CDKAL1: variants seen among roughly 807,000 people sequenced by gnomAD.
The protein encoded by CDKAL1 is CDKAL1 threonylcarbamoyladenosine tRNA methylthiotransferase.
A neutral mutation model predicts 68.2 loss-of-function variants in CDKAL1; 32 were observed. The observed-to-expected ratio is 0.47, with a 90% CI of 0.35 to 0.63. The LOEUF is 0.63. CDKAL1 is among the 30% of genes least tolerant of loss of function. CDKAL1 has a pLI of 0.00. For missense variants in CDKAL1, 606 were observed against 696.7 expected (o/e 0.87, Z 1.47); for synonymous variants, 234 against 244.3 (o/e 0.96, Z 0.39).
chr6:20,554,698 T>G (rs1419628150), intron 4 of CDKAL1, among the ~76,000 whole-genome samples: 1 of 152,186 alleles, frequency 6.6e-6, no homozygotes, highest in African/African-American at 2.4e-5. Context: ...TCGTAACCAC[T>G]CCCTAGCCTG....
chr6:20,836,992 G>A (rs897221381), intron 8 of CDKAL1, among the ~76,000 whole-genome samples: 1 of 152,108 alleles, frequency 6.6e-6, no homozygotes, highest in Non-Finnish European at 1.5e-5. Context: ...TCCTGGCCCT[G>A]CGTTAGGTAG....
At chr6:20,851,659 C>A (rs1054656762) in intron 9 of CDKAL1, among the ~76,000 whole-genome samples, 1 of 151,710 alleles carries the variant, frequency 6.6e-6, no homozygotes, top group Non-Finnish European at 1.5e-5. Flanking sequence ...ATATTCAGAA[C>A]AGGGAGAAAA....
At chr6:20,769,879 C>T (rs971513242) in intron 7 of CDKAL1, among the ~76,000 whole-genome samples, 1 of 152,140 alleles carries the variant, frequency 6.6e-6, no homozygotes, top group Non-Finnish European at 1.5e-5. Context: ...GAAACCTAGT[C>T]CCCTTGTTCC....
At chr6:21,161,049 G>T (rs549598277) in intron 13 of CDKAL1, among the ~76,000 whole-genome samples, 1 of 152,164 alleles carries the variant, frequency 6.6e-6, no homozygotes, top group African/African-American at 2.4e-5. Flanking sequence ...TGGCTGGGGG[G>T]GTGCAGTGAA....
chr6:20,763,317 C>T (rs1218317817), intron 7 of CDKAL1, among the ~76,000 whole-genome samples: 1 of 152,172 alleles, frequency 6.6e-6, no homozygotes, highest in Non-Finnish European at 1.5e-5. Context: ...TGCAGCTCTT[C>T]TCTTCCTTGC....
intron 13 of CDKAL1, among the ~76,000 whole-genome samples, chr6:21,160,138 A>G (rs555306006): frequency 2.0e-5 from 3 of 152,312 alleles, no homozygotes; most frequent in African/African-American, 7.2e-5. Context: ...TTCGTGGTCC[A>G]CATTGCAGAC....
intron 8 of CDKAL1, among the ~76,000 whole-genome samples, chr6:20,818,996 A>T (rs1292940634): frequency 1.3e-5 from 2 of 152,116 alleles, no homozygotes; most frequent in Non-Finnish European, 2.9e-5. Flanking sequence ...TGGTTGATTT[A>T]CACTTTAAAA....
chr6:20,682,927 A>G (rs1371669438), intron 5 of CDKAL1, among the ~76,000 whole-genome samples: 1 of 150,948 alleles, frequency 6.6e-6, no homozygotes, highest in Non-Finnish European at 1.5e-5. Flanking sequence ...TCCACTTAAA[A>G]TAGTAGCTCT....
chr6:20,748,489 AGTT>A (rs1031612844), intron 6 of CDKAL1, among the ~76,000 whole-genome samples: 3 of 132,368 alleles, frequency 2.3e-5, no homozygotes, highest in Non-Finnish European at 4.7e-5. Flanking sequence ...GGCTGTGGCG[AGTT>A]GTTGTGATTG....
chr6:20,569,696 AC>A (rs1477707339), intron 4 of CDKAL1, among the ~76,000 whole-genome samples: 1 of 152,180 alleles, frequency 6.6e-6, no homozygotes, highest in African/African-American at 2.4e-5. Flanking sequence ...TTCTCTCCCT[AC>A]CCCTGCAGCA....
chr6:21,087,830 A>G (rs1380886660), intron 12 of CDKAL1, among the ~76,000 whole-genome samples: 1 of 152,178 alleles, frequency 6.6e-6, no homozygotes. Context: ...TAGAAAAAAA[A>G]CAAATTTGTC....
At chr6:21,103,483 A>G (rs537426874) in intron 12 of CDKAL1, among the ~76,000 whole-genome samples, 1 of 152,250 alleles carries the variant, frequency 6.6e-6, no homozygotes, top group South Asian at 2.1e-4. Flanking sequence ...GGAGAGTGGA[A>G]TATAAAAGCA....
intron 9 of CDKAL1, among the ~76,000 whole-genome samples, chr6:20,938,720 G>T (rs549379484): frequency 4.6e-5 from 7 of 151,960 alleles, no homozygotes; most frequent in Non-Finnish European, 1.0e-4. Flanking sequence ...AAATTAGTGC[G>T]TAAGTAGGAA....
chr6:20,691,253 A>T (rs751290206), intron 5 of CDKAL1, among the ~76,000 whole-genome samples: 4 of 151,916 alleles, frequency 2.6e-5, no homozygotes, highest in Non-Finnish European at 1.5e-5. Context: ...ATGAATTCAC[A>T]GTGGTGCCCT....
At chr6:20,649,208 T>TA in intron 4 of CDKAL1, 85 bp from the exon 5 acceptor site, 1 of 854,828 alleles carries the variant, frequency 1.2e-6, no homozygotes, top group South Asian at 1.5e-5. Flanking sequence ...TTCTCTCCCC[T>TA]ACCGCAGCAA....
intron 4 of CDKAL1, among the ~76,000 whole-genome samples, chr6:20,613,045 A>AC (rs1561966445): frequency 1.1e-4 from 14 of 128,480 alleles, no homozygotes; most frequent in East Asian, 4.7e-4. Flanking sequence ...ACACACACAC[A>AC]AAGGGTATGG....
intron 11 of CDKAL1, among the ~76,000 whole-genome samples, chr6:21,006,386 A>T (rs1031052229): frequency 2.0e-5 from 3 of 152,198 alleles, no homozygotes; most frequent in Admixed American, 2.0e-4. Flanking sequence ...TCTGTTCACT[A>T]AGTAACCACC....
intron 5 of CDKAL1, among the ~76,000 whole-genome samples, chr6:20,697,598 T>C (rs1288568320): frequency 6.6e-6 from 1 of 152,210 alleles, no homozygotes; most frequent in East Asian, 1.9e-4. Context: ...ATACATCCTG[T>C]CCACCAAAAG....
intron 9 of CDKAL1, among the ~76,000 whole-genome samples, chr6:20,855,806 A>C (rs925531155): frequency 6.6e-6 from 1 of 152,244 alleles, no homozygotes; most frequent in Non-Finnish European, 1.5e-5. Flanking sequence ...ATAAGTATAC[A>C]TCCATGGGAA....
Sources: allele counts gnomAD v4.1 joint callset (sites outside exome capture counted in the v4.1 genomes callset), GRCh38; gene constraint gnomAD v4.1.1; transcripts MANE v1.5; gene names NCBI Gene and HGNC (gene_info 2026-07-23, HGNC 2026-07-21).